Variants in CPB2 observed in about 807,000 individuals in gnomAD.
CPB2 encodes carboxypeptidase B2.
CPB2 carries 54 observed loss-of-function variants against 57.0 expected under a neutral mutation model. The observed-to-expected ratio is 0.95, with a 90% CI of 0.76 to 1.19. The LOEUF is 1.19. Ranked by LOEUF, CPB2 falls within the 50% of genes most tolerant of loss-of-function variation. CPB2 has a pLI of 0.00. For missense variants in CPB2, 426 were observed against 512.0 expected, an observed-to-expected ratio of 0.83 and a Z score of 1.62; for synonymous variants, 189 against 178.1, an observed-to-expected ratio of 1.06 and a Z score of -0.49.
chr13:46,102,549 A>AAC (rs2045447984), intron 1 of CPB2, among the ~76,000 whole-genome samples: 1 of 149,448 alleles, frequency 6.7e-6, no homozygotes, highest in Non-Finnish European at 1.5e-5. Context: ...ACAAAAAAAA[A>AAC]AAAAAAAACA....
chr13:46,074,556 C>A (rs2044992831), intron 5 of CPB2, among the ~76,000 whole-genome samples: 1 of 152,176 alleles, frequency 6.6e-6, no homozygotes, highest in Non-Finnish European at 1.5e-5. Flanking sequence ...AAGCTGCTAA[C>A]TCTGGAATAA....
intron 8 of CPB2, among the ~76,000 whole-genome samples, chr13:46,061,443 T>C (rs2044771415): frequency 6.6e-6 from 1 of 152,136 alleles, no homozygotes. Context: ...TATTTAAAGA[T>C]AAGGCCTTTA....
chr13:46,087,213 G>T (rs946422646), intron 2 of CPB2, among the ~76,000 whole-genome samples: 1 of 152,230 alleles, frequency 6.6e-6, no homozygotes, highest in African/African-American at 2.4e-5. Flanking sequence ...CATCACAGAA[G>T]GGGGCGGGAC....
chr13:46,067,989 T>C (rs958182707), intron 6 of CPB2, among the ~76,000 whole-genome samples: 7 of 152,214 alleles, frequency 4.6e-5, no homozygotes, highest in Admixed American at 4.6e-4. Flanking sequence ...CTCTCTACTT[T>C]AGAGTCATCC....
At chr13:46,087,690 A>G (rs2045231099) in intron 2 of CPB2, 55 bp downstream of exon 2, 3 of 1,198,218 alleles carry the variant, frequency 2.5e-6, no homozygotes, top group Admixed American at 3.6e-5. Context: ...GAAACTCAAC[A>G]CCCAGTGCTT....
intron 6 of CPB2, among the ~76,000 whole-genome samples, chr13:46,069,921 A>G (rs9526139): frequency 0.34 from 52,249 of 152,038 alleles, 9,211 homozygotes; most frequent in African/African-American, 0.39. Flanking sequence ...TTTCAAAGTG[A>G]CTGAAGAAAT....
At chr13:46,095,554 T>A (rs773037708) in intron 1 of CPB2, among the ~76,000 whole-genome samples, 5 of 152,200 alleles carry the variant, frequency 3.3e-5, no homozygotes, top group Admixed American at 6.5e-5. Flanking sequence ...GGGTAGAGTC[T>A]CAGGCATATG....
chr13:46,097,526 A>G (rs558213967), intron 1 of CPB2: 4 of 152,372 alleles, frequency 2.6e-5, no homozygotes, highest in African/African-American at 7.2e-5. Flanking sequence ...AACATCTCAC[A>G]TAACATCCTA....
intron 4 of CPB2, among the ~76,000 whole-genome samples, chr13:46,079,618 G>A (rs1432795899): frequency 6.6e-6 from 1 of 151,146 alleles, no homozygotes; most frequent in East Asian, 1.9e-4. Flanking sequence ...AGCAAACATT[G>A]AATTATTGTC....
intron 10 of CPB2, 145 bp downstream of exon 10, chr13:46,055,617 T>C (rs1351706204): frequency 2.3e-6 from 1 of 438,920 alleles, no homozygotes; most frequent in Admixed American, 4.1e-5. Context: ...ATAGCTATTA[T>C]GCTTCTGTTC....
intron 5 of CPB2, among the ~76,000 whole-genome samples, chr13:46,075,689 C>T (rs1208905730): frequency 6.6e-6 from 1 of 152,184 alleles, no homozygotes; most frequent in African/African-American, 2.4e-5. Flanking sequence ...AAAGTCTTAT[C>T]TTTGAATGAC....
intron 5 of CPB2, among the ~76,000 whole-genome samples, chr13:46,078,098 T>C (rs192694239): frequency 1.2e-3 from 181 of 152,174 alleles, no homozygotes; most frequent in African/African-American, 4.2e-3. Context: ...ATGTTTGAAG[T>C]GATGGATATC....
intron 7 of CPB2, among the ~76,000 whole-genome samples, chr13:46,065,770 G>A (rs9534301): frequency 6.6e-5 from 10 of 151,908 alleles, no homozygotes; most frequent in Admixed American, 2.6e-4. Flanking sequence ...CTGTGGTTCC[G>A]TGGCAACAAT....
intron 1 of CPB2, among the ~76,000 whole-genome samples, 187 bp from the exon 2 acceptor site, chr13:46,088,007 G>T (rs112581288): frequency 2.6e-5 from 4 of 152,150 alleles, no homozygotes; most frequent in Non-Finnish European, 4.4e-5. Context: ...ATGCTCCTAA[G>T]CAATTGCAAA....
At chr13:46,062,862 T>G (rs1002604767) in intron 8 of CPB2, among the ~76,000 whole-genome samples, 4 of 152,224 alleles carry the variant, frequency 2.6e-5, no homozygotes, top group African/African-American at 7.2e-5. Flanking sequence ...GTTGTGAGGT[T>G]TTAATAGGTA....
At chr13:46,074,003 CA>C (rs781611565) in intron 5 of CPB2, 26 bp from the exon 6 acceptor site, 12 of 1,378,058 alleles carry the variant, frequency 8.7e-6, no homozygotes, top group African/African-American at 1.4e-5. Flanking sequence ...CCAAAAGTAG[CA>C]AAAACAGTAA....
In CPB2 at chr13:46,071,061, T is replaced by A. The variant is rs568216282; in HGVS notation, c.591+2812A>T. On this transcript the variant is annotated intron_variant, in intron 6 of 10. Coordinates refer to ENST00000181383, the MANE Select transcript of CPB2 (RefSeq NM_001872.5). ...CAGTTCAATGCTATTAATATAAGTA[T>A]GATAATAAACAATGGCAAGATGTAC... Among the ~76,000 whole-genome samples, 7 of 152,258 alleles carry A rather than the reference T, an allele frequency of 4.6e-5. No homozygotes were observed. The East Asian group carries it at 1.3e-3, about 29-fold the overall frequency.
chr13:46,067,166 T>C, intron 7 of CPB2, 141 bp downstream of exon 7: 1 of 505,556 alleles, frequency 2.0e-6, no homozygotes, highest in South Asian at 3.3e-5. Flanking sequence ...ATATATATAT[T>C]TGACATTTTC....
chr13:46,058,070 C>CT (rs1566395869), intron 9 of CPB2, 109 bp downstream of exon 9: 2 of 816,684 alleles, frequency 2.4e-6, no homozygotes, highest in Non-Finnish European at 4.0e-6. Context: ...TTTAAAACAT[C>CT]TATCATTTGC....
Sources: allele counts gnomAD v4.1 joint callset (sites outside exome capture counted in the v4.1 genomes callset), GRCh38; gene constraint gnomAD v4.1.1; transcripts MANE v1.5; gene names NCBI Gene and HGNC (gene_info 2026-07-23, HGNC 2026-07-21).